Variants in FBXO27 observed in about 807,000 individuals in gnomAD.
FBXO27 encodes the protein F-box only protein 27.
Under a neutral mutation model 28.3 loss-of-function variants are expected in FBXO27, and 28 were observed. The observed-to-expected ratio is 0.99, with a 90% CI of 0.73 to 1.36. The LOEUF is 1.36. Ranked by LOEUF, FBXO27 falls within the 40% of genes most tolerant of loss-of-function variation. FBXO27 has a pLI of 0.00. For missense variants in FBXO27, 388 were observed against 394.1 expected (o/e 0.98, Z 0.13); for synonymous variants, 175 against 167.3 (o/e 1.05, Z -0.36).
chr19:39,019,901 G>A (rs1004840561), downstream of FBXO27, among the ~76,000 whole-genome samples: 13 of 152,060 alleles, frequency 8.5e-5, no homozygotes, highest in South Asian at 2.1e-4. Context: ...ATAGGTACCC[G>A]CCACCATACC....
intron 2 of FBXO27, 95 bp downstream of exon 2, chr19:39,031,769 C>T: frequency 7.2e-7 from 1 of 1,391,964 alleles, no homozygotes; most frequent in Non-Finnish European, 9.3e-7. Context: ...CCCCTGCGGC[C>T]CCTAGTACCG....
intron 4 of FBXO27, among the ~76,000 whole-genome samples, chr19:39,027,871 C>T (rs2144900987): frequency 6.6e-6 from 1 of 152,210 alleles, no homozygotes; most frequent in East Asian, 1.9e-4. Context: ...GTTGTTGTGA[C>T]ATATCATGTC....
chr19:39,030,906 C>G lies in FBXO27; in HGVS notation c.572+123G>C, dbSNP rs375470213. On this transcript the variant is annotated intron_variant, in intron 4 of 5. Coordinates refer to ENST00000292853, the MANE Select transcript of FBXO27 (RefSeq NM_178820.5). ...TATAGGTGTGAGCCACCATGGCTGG[C>G]CTGAACTTCAGATTTTTTATCTGTA... is the stretch of plus-strand genomic sequence containing the variant. 1.1e-5 allele frequency: 9 copies of G among 832,054 alleles called. No individual in the cohort carries two copies. In the African/African-American group the frequency reaches 1.5e-4, roughly 14 times the overall value. 51.5% of individuals were successfully genotyped at this position (832,054 alleles called of 1,614,324 possible).
At chr19:39,031,470 C>T (rs1171713483) in intron 2 of FBXO27, 150 bp from the exon 3 acceptor site, 4 of 682,292 alleles carry the variant, frequency 5.9e-6, no homozygotes, top group African/African-American at 3.6e-5. Flanking sequence ...CCCCTCCCAC[C>T]AGCTCAGGGC....
Position 39,031,882 on chromosome 19 carries a change from G to A in FBXO27, c.346C>T (p.Arg116Cys), listed in dbSNP as rs1318982501. The A allele has an allele frequency of 4.0e-6, 6 of 1,488,664 alleles. No homozygotes were observed. The highest frequency in any genetic ancestry group is 2.4e-5 in the Admixed American group (1 of 42,118). The allele number at this position is 1,488,664 out of a possible 1,614,324, so 92.2% of individuals were successfully genotyped here. A position where few individuals can be genotyped will look rare whatever the true frequency, so the allele number is the denominator to read the frequency against. Residue 116 changes from arginine to cysteine, a missense_variant, in exon 2 of 6, where the codon CGC becomes TGC. Arg to Cys is a radical substitution (Grantham distance 180, BLOSUM62 -3). Transcript: ENST00000292853. ...ATCCCACCTTGGCCGCAGGGGTTGC[G>A]AATAAGGTTGCGTCCGATGGGTCTG... Reference protein sequence around the residue: ...ARRPIGRNLIRNPCGQEGLRK... With the variant: ...ARRPIGRNLICNPCGQEGLRK...
At chr19:39,031,714 T>C (rs1329440744) in intron 2 of FBXO27, 150 bp downstream of exon 2, 1 of 1,294,822 alleles carries the variant, frequency 7.7e-7, no homozygotes, top group Non-Finnish European at 1.0e-6. Flanking sequence ...CTCCCAATGC[T>C]GCCCCGCCTC....
At chr19:39,015,017 CAAA>C (rs35545169) in intron 1 of FBXO27, among the ~76,000 whole-genome samples, 1 of 125,880 alleles carries the variant, frequency 7.9e-6, no homozygotes. Flanking sequence ...GACTCTGTCT[CAAA>C]AAAAAAAAAA....
intron 1 of FBXO27, among the ~76,000 whole-genome samples, chr19:39,016,671 G>T (rs6508837): frequency 6.7e-6 from 1 of 149,292 alleles, no homozygotes; most frequent in Non-Finnish European, 1.5e-5. Context: ...TGTAATTCCA[G>T]CTACTCAAGA....
chr19:39,022,146 CTTTTTTTT>C (rs532602600), downstream of FBXO27, among the ~76,000 whole-genome samples: 298 of 89,024 alleles, frequency 3.3e-3, no homozygotes, highest in East Asian at 0.015. Context: ...ATTTTCTATT[CTTTTTTTT>C]TTTTTTTTTT....
chr19:39,011,214 C>T (rs989535150), intron 2 of FBXO27, among the ~76,000 whole-genome samples: 2 of 152,144 alleles, frequency 1.3e-5, no homozygotes, highest in East Asian at 3.8e-4. Flanking sequence ...GCGGACCACC[C>T]GAGGTCAGGA....
chr19:39,016,121 T>C (rs1239954653), intron 1 of FBXO27, among the ~76,000 whole-genome samples: 1 of 151,510 alleles, frequency 6.6e-6, no homozygotes, highest in African/African-American at 2.4e-5. Context: ...TCCTCTGGGG[T>C]TGAGGGAGGG....
chr19:39,011,823 T>C (rs1462374341), intron 2 of FBXO27, among the ~76,000 whole-genome samples: 2 of 103,578 alleles, frequency 1.9e-5, no homozygotes, highest in Non-Finnish European at 3.9e-5. Context: ...CCTGATTTTC[T>C]TTTCTTTTTT....
In FBXO27 at chr19:39,009,950, T is replaced by C. The variant is rs2072787243; in HGVS notation, c.252+4437A>G. 3.3e-5 allele frequency among the ~76,000 whole-genome samples: 5 copies of C among 151,874 alleles called. 1 individual carries two copies. The South Asian group carries it at 6.3e-4, about 19-fold the overall frequency. On this transcript the variant is annotated intron_variant, in intron 2 of 2. Transcript: ENST00000598394. ...TCAGCCTCCCGAGTAGCTGGGATTA[T>C]AGGCAGCTACCACCACTCCTGGCTA...
chr19:39,030,856 C>T, intron 4 of FBXO27, 173 bp downstream of exon 4: 1 of 659,500 alleles, frequency 1.5e-6, no homozygotes, highest in East Asian at 2.6e-5. Flanking sequence ...GATCTGCCTG[C>T]CTCGACCCCC....
At chr19:39,028,068 T>C (rs1322404809) in intron 4 of FBXO27, among the ~76,000 whole-genome samples, 2 of 151,012 alleles carry the variant, frequency 1.3e-5, no homozygotes, top group Non-Finnish European at 3.0e-5. Flanking sequence ...TGGTGAAACC[T>C]TGTCTCTACT....
chr19:39,031,366 G>T, intron 2 of FBXO27, 46 bp from the exon 3 acceptor site: 7 of 1,591,298 alleles, frequency 4.4e-6, no homozygotes, highest in Non-Finnish European at 6.0e-6. Flanking sequence ...TCGCCCGCCT[G>T]TTGGTTCCTA....
rs2072876157 is a variant in FBXO27, at chr19:39,026,955, A to G, written c.623T>C (p.Leu208Pro). 2 of 1,614,168 alleles carry G rather than the reference A, an allele frequency of 1.2e-6. No homozygotes were observed. Among genetic ancestry groups the G allele is most frequent in the Non-Finnish European group, 1.7e-6 (2 of 1,180,048 alleles). The change falls in exon 5 of 6, where the codon CTT becomes CCT. Residue 208 changes from leucine (L) to proline (P), a missense_variant. Transcript: ENST00000292853. ...SGCMYRLLVQLLDANQTVLDK... is the reference protein window; with the variant it reads ...SGCMYRLLVQPLDANQTVLDK... ...TAGAACAGTCTGGTTGGCGTCTAGA[A>G]GTTGGACGAGGAGTCTGTACATACA... is the stretch of plus-strand genomic sequence containing the variant.
chr19:39,019,949 C>T (rs2072837728), downstream of FBXO27, among the ~76,000 whole-genome samples: 1 of 152,032 alleles, frequency 6.6e-6, no homozygotes, highest in Non-Finnish European at 1.5e-5. Context: ...GATGGGATTT[C>T]ACCATGTTGG....
intron 2 of FBXO27, 157 bp from the exon 3 acceptor site, chr19:39,031,477 G>C: frequency 1.7e-6 from 1 of 605,446 alleles, no homozygotes; most frequent in Middle Eastern, 4.6e-4. Context: ...CACCAGCTCA[G>C]GGCAAAGCCC....
Sources: allele counts gnomAD v4.1 joint callset (sites outside exome capture counted in the v4.1 genomes callset), GRCh38; gene constraint gnomAD v4.1.1; transcripts MANE v1.5; gene names NCBI Gene and HGNC (gene_info 2026-07-23, HGNC 2026-07-21).